The following COL6A6 variants were observed in gnomAD, a reference collection of about 807,000 sequenced individuals.
The protein encoded by COL6A6 is collagen alpha-6(VI) chain.
Under a neutral mutation model 208.6 loss-of-function variants are expected in COL6A6, and 183 were observed. That is an observed-to-expected ratio of 0.88 (90% CI 0.78 to 0.99). COL6A6 has a LOEUF of 0.99. Among genes scored for constraint, COL6A6 ranks in the 50% least tolerant of loss-of-function variants. COL6A6 has a pLI of 0.00. For missense variants in COL6A6, 2,816 were observed against 2,815.2 expected (o/e 1.00, Z -0.01); for synonymous variants, 973 against 1,011.8 (o/e 0.96, Z 0.73).
chr3:130,659,185 C>T (rs1419320011), intron 34 of COL6A6, among the ~76,000 whole-genome samples: 3 of 152,158 alleles, frequency 2.0e-5, no homozygotes, highest in Admixed American at 6.5e-5. Context: ...TTTTTTAGTA[C>T]AGTCAAAGTG....
In COL6A6 at chr3:130,586,537, T is replaced by C. The variant is rs756813283; in HGVS notation, c.4002T>C (p.Asp1334=). The C allele has an allele frequency of 6.2e-7, 1 of 1,613,884 alleles. No individual in the cohort carries two copies. Among genetic ancestry groups the C allele is most frequent in the South Asian group, 1.1e-5 (1 of 91,040 alleles). The part of the protein sequence containing the change: ...GLNALITVAL[D]GPADSSDLAD... ...ATGCCCTCATAACTGTTGCTCTGGA[T>C]GGACCTGCTGATTCAAGTGACTTGG... is the stretch of plus-strand genomic sequence containing the variant. Residue 1334 remains aspartate, a synonymous_variant, in exon 11 of 37, where the codon GAT becomes GAC. Coordinates refer to ENST00000358511, the MANE Select transcript of COL6A6 (RefSeq NM_001102608.3).
rs921699418 is a variant in COL6A6 at position 130,568,598 on chromosome 3, C to T, written c.2395C>T (p.Arg799Cys). The T allele has an allele frequency of 2.6e-5, 42 of 1,595,594 alleles. No homozygotes were observed. The highest frequency in any genetic ancestry group is 3.3e-4 in the Middle Eastern group (2 of 6,016). Residue 799 changes from arginine (R) to cysteine (C), a missense_variant, in exon 6 of 37, where the codon CGT (arginine) becomes TGT (cysteine). Coordinates refer to ENST00000358511, the MANE Select transcript of COL6A6 (RefSeq NM_001102608.3). ...DDLVFGICSP[R>C]EECKRIEVLD... ...TCTTGTTTTTGGAATATGCAGCCCCCGTGAAGGTAGGCATGGGCATACTCA... is the reference window on the plus strand; with the variant it reads ...TCTTGTTTTTGGAATATGCAGCCCCTGTGAAGGTAGGCATGGGCATACTCA...
At chr3:130,599,017 G>T (rs1296212710) in intron 19 of COL6A6, among the ~76,000 whole-genome samples, 5 of 152,196 alleles carry the variant, frequency 3.3e-5, no homozygotes, top group African/African-American at 1.2e-4. Context: ...AAAGTGGAAA[G>T]AACTGTGCTT....
At chr3:130,622,157 C>T (rs1432474757) in intron 24 of COL6A6, among the ~76,000 whole-genome samples, 1 of 151,778 alleles carries the variant, frequency 6.6e-6, no homozygotes, top group African/African-American at 2.4e-5. Flanking sequence ...CTGGGGCAGG[C>T]CTTCCTTTCT....
chr3:130,520,447 C>T (rs756024008), intron 1 of COL6A6, among the ~76,000 whole-genome samples: 30 of 152,126 alleles, frequency 2.0e-4, no homozygotes, highest in Non-Finnish European at 1.0e-4. Context: ...CTTGAGGTGA[C>T]CCCAAGGCCT....
chr3:130,651,499 C>T (rs1576401030), intron 33 of COL6A6, among the ~76,000 whole-genome samples: 1 of 145,658 alleles, frequency 6.9e-6, no homozygotes. Context: ...TGATCCTGAA[C>T]AAAAATTTGT....
At chr3:130,657,675 G>A (rs1424278510) in intron 33 of COL6A6, among the ~76,000 whole-genome samples, 4 of 152,188 alleles carry the variant, frequency 2.6e-5, no homozygotes, top group African/African-American at 4.8e-5. Flanking sequence ...ATACAGAGGT[G>A]TCCTCAGGCC....
rs372595353 is a variant in COL6A6 at position 130,581,668 on chromosome 3, C to A, written c.3655C>A (p.Arg1219Ser). 2 of 1,613,962 alleles carry A rather than the reference C, an allele frequency of 1.2e-6. No individual in the cohort carries two copies. The highest frequency in any genetic ancestry group is 2.7e-5 in the African/African-American group (2 of 75,056). The change falls in exon 9 of 37, where the codon CGT (arginine) becomes AGT (serine). Residue 1219 changes from arginine (R) to serine (S), a missense_variant. Arg to Ser is a moderately radical substitution (Grantham distance 110, BLOSUM62 -1). Coordinates refer to ENST00000358511, the MANE Select transcript of COL6A6 (RefSeq NM_001102608.3). ...GGAAACCTACCTTCAAGACATCTTACGTGCCATCAGCTCCCTCAATGGAGT... is the reference window on the plus strand; with the variant it reads ...GGAAACCTACCTTCAAGACATCTTAAGTGCCATCAGCTCCCTCAATGGAGT... ...WMETYLQDIL[R>S]AISSLNGVSC...
intron 18 of COL6A6, 86 bp downstream of exon 18, chr3:130,594,429 T>TA: frequency 9.7e-7 from 1 of 1,034,280 alleles, no homozygotes; most frequent in Non-Finnish European, 1.5e-6. Flanking sequence ...GGTACTACAA[T>TA]AGTAACCCTG....
In COL6A6 at chr3:130,574,350, C is replaced by T. The variant is rs2063243535; in HGVS notation, c.3372C>T (p.Ala1124=). 1 of 1,613,852 alleles carries T rather than the reference C, an allele frequency of 6.2e-7. No homozygotes were observed. The highest frequency in any genetic ancestry group is 1.7e-5 in the Admixed American group (1 of 59,998). The part of the protein sequence containing the change: ...SQDEVAQAAE[A]LRHRGIDIYS... Reference sequence around the variant, plus strand: ...ACGAGGTGGCCCAGGCCGCGGAAGCCCTGAGACACAGAGGTATCGACATCT... The same window carrying T: ...ACGAGGTGGCCCAGGCCGCGGAAGCTCTGAGACACAGAGGTATCGACATCT... The change falls in exon 8 of 37, where the codon GCC becomes GCT. Residue 1124 remains alanine, a synonymous_variant. Coordinates refer to ENST00000358511, the MANE Select transcript of COL6A6 (RefSeq NM_001102608.3).
At chr3:130,600,935 A>G (rs931619392) in intron 20 of COL6A6, among the ~76,000 whole-genome samples, 2 of 152,212 alleles carry the variant, frequency 1.3e-5, no homozygotes, top group Non-Finnish European at 2.9e-5. Flanking sequence ...TGGTATAGGC[A>G]TATCTGAGAG....
At chr3:130,569,196 T>G (rs2063102443) in intron 6 of COL6A6, among the ~76,000 whole-genome samples, 1 of 152,220 alleles carries the variant, frequency 6.6e-6, no homozygotes, top group African/African-American at 2.4e-5. Flanking sequence ...ATGGTGCTTA[T>G]TTTTGCAATT....
intron 1 of COL6A6, among the ~76,000 whole-genome samples, chr3:130,530,323 C>T (rs2062053380): frequency 6.6e-6 from 1 of 151,214 alleles, no homozygotes; most frequent in African/African-American, 2.4e-5. Context: ...ACTCTGAAGC[C>T]GGACTGCCTG....
intron 6 of COL6A6, among the ~76,000 whole-genome samples, chr3:130,569,430 A>G (rs2063107544): frequency 6.6e-6 from 1 of 152,198 alleles, no homozygotes; most frequent in African/African-American, 2.4e-5. Context: ...ATAAAAGCTC[A>G]GCCAATATAA....
chr3:130,537,401 C>T (rs2062251737), intron 1 of COL6A6, among the ~76,000 whole-genome samples: 1 of 152,172 alleles, frequency 6.6e-6, no homozygotes, highest in African/African-American at 2.4e-5. Context: ...GTTCCAGAAA[C>T]ACCCCCACAC....
chr3:130,673,468 A>ACC (rs2066283018), intron 36 of COL6A6, among the ~76,000 whole-genome samples: 1 of 137,048 alleles, frequency 7.3e-6, no homozygotes, highest in African/African-American at 2.7e-5. Context: ...AAAGGCGGGG[A>ACC]GGTGGGGAGA....
At chr3:130,604,363 C>A (rs902467276) in intron 20 of COL6A6, among the ~76,000 whole-genome samples, 1 of 152,046 alleles carries the variant, frequency 6.6e-6, no homozygotes, top group African/African-American at 2.4e-5. Context: ...GGCGTGGTGG[C>A]GGGCGCCTGT....
chr3:130,576,950 T>A (rs532054405), intron 8 of COL6A6, among the ~76,000 whole-genome samples: 1 of 152,332 alleles, frequency 6.6e-6, no homozygotes, highest in East Asian at 1.9e-4. Flanking sequence ...ACTTTGGAGA[T>A]GTCAGTACCA....
At chr3:130,553,550 A>G (rs1452253022) in intron 1 of COL6A6, among the ~76,000 whole-genome samples, 1 of 151,668 alleles carries the variant, frequency 6.6e-6, no homozygotes, top group South Asian at 2.1e-4. Flanking sequence ...CTCCTGTATC[A>G]TTTTATTGTA....
Sources: allele counts gnomAD v4.1 joint callset (sites outside exome capture counted in the v4.1 genomes callset), GRCh38; gene constraint gnomAD v4.1.1; transcripts MANE v1.5; gene names NCBI Gene and HGNC (gene_info 2026-07-23, HGNC 2026-07-21).